The following PIK3CD variants were observed in gnomAD, a reference collection of about 807,000 sequenced individuals.
PIK3CD encodes phosphatidylinositol-4,5-bisphosphate 3-kinase catalytic subunit delta.
In PIK3CD, 20 loss-of-function variants were observed where a neutral mutation model predicts 122.9. The observed-to-expected ratio is 0.16, with a 90% CI of 0.11 to 0.24. The LOEUF (loss-of-function observed/expected upper bound fraction) is 0.24, where lower values mean the gene tolerates loss of function less well. Ranked by LOEUF, PIK3CD falls within the 10% of genes least tolerant of loss-of-function variation. PIK3CD has a pLI of 1.00. For missense variants in PIK3CD, 787 were observed against 1,406.3 expected, an observed-to-expected ratio of 0.56 and a Z score of 7.04; for synonymous variants, 596 against 593.4, an observed-to-expected ratio of 1.00 and a Z score of -0.06.
chr1:9,636,825 C>T, the PIK3CD span, among the ~76,000 whole-genome samples: 1 of 152,212 alleles, frequency 6.6e-6, no homozygotes, highest in African/African-American at 2.4e-5. Context: ...GGATAGAGTT[C>T]ATGAACCTCC....
rs1646775013 is a variant in PIK3CD, at chr1:9,704,986, G to T, written c.-32-5438G>T. ...CAGCTGGGGTCCAGCTGACGGTGAG[G>T]CCTGGGCCCAGCCGGCGCTGCCACC... On this transcript the variant is annotated intron_variant, in intron 2 of 23. Transcript: ENST00000377346. This position sits in a 1 kb window ranked among gnomAD's most constrained non-coding sequence, Gnocchi z 5.0. Among the ~76,000 whole-genome samples, 1 of 152,200 alleles carries T rather than the reference G, an allele frequency of 6.6e-6. No individual in the cohort carries two copies. The highest frequency in any genetic ancestry group is 6.5e-5 in the Admixed American group (1 of 15,278).
At chr1:9,647,491 AT>A (rs1366442624), upstream of PIK3CD, among the ~76,000 whole-genome samples, 1 of 145,748 alleles carries the variant, frequency 6.9e-6, no homozygotes, top group Non-Finnish European at 1.5e-5. Context: ...AATTATTATT[AT>A]TATTATTATT....
chr1:9,677,535 C>T (rs1645583666), intron 1 of PIK3CD, among the ~76,000 whole-genome samples: 1 of 150,560 alleles, frequency 6.6e-6, no homozygotes, highest in Non-Finnish European at 1.5e-5. Context: ...GACCTAGCTA[C>T]TTGAGGAGAT....
intron 1 of PIK3CD, 86 bp downstream of exon 1, chr1:9,651,888 C>T: frequency 6.6e-6 from 1 of 152,216 alleles, no homozygotes; most frequent in Admixed American, 6.5e-5. Context: ...CGCTCGGGGG[C>T]GCGGGGCTGG....
upstream of PIK3CD, among the ~76,000 whole-genome samples, chr1:9,650,806 C>G (rs1163369878): frequency 6.6e-6 from 1 of 152,046 alleles, no homozygotes; most frequent in Non-Finnish European, 1.5e-5. Context: ...CTGAGCAGCC[C>G]TCCGCCTGAT....
At chr1:9,627,262 G>A in the PIK3CD span, among the ~76,000 whole-genome samples, 1 of 152,246 alleles carries the variant, frequency 6.6e-6, no homozygotes, top group African/African-American at 2.4e-5. Flanking sequence ...GCCCGGGGGA[G>A]ACGCCGGCTG....
At chr1:9,721,690 C>CTA (rs974980497) in intron 15 of PIK3CD, 71 bp from the exon 16 acceptor site, 230 of 1,604,288 alleles carry the variant, frequency 1.4e-4, no homozygotes, top group Non-Finnish European at 1.8e-4. Flanking sequence ...CCTGGCCTCG[C>CTA]TAGGTCCTGC....
At chr1:9,690,163 C>T (rs1320084187) in intron 1 of PIK3CD, among the ~76,000 whole-genome samples, 7 of 152,128 alleles carry the variant, frequency 4.6e-5, no homozygotes, top group Non-Finnish European at 1.0e-4. Context: ...TGCGCTCTGT[C>T]CCTCCCGAGC....
chr1:9,713,736 A>G (rs1647147384), intron 3 of PIK3CD, among the ~76,000 whole-genome samples: 1 of 150,780 alleles, frequency 6.6e-6, no homozygotes, highest in African/African-American at 2.4e-5. Context: ...GACTACAGGC[A>G]TGCACCACCA....
Position 9,715,429 on chromosome 1 carries a change from C to T in PIK3CD, c.142-112C>T, listed in dbSNP as rs1647263142. 1 of 854,532 alleles carries T rather than the reference C, an allele frequency of 1.2e-6. No individual in the cohort carries two copies. The highest frequency in any genetic ancestry group is 1.9e-6 in the Non-Finnish European group (1 of 524,438). 52.9% of individuals were successfully genotyped at this position (854,532 alleles called of 1,614,324 possible). ...GCAGATCTTGGGGTCTGCCTCTGCC[C>T]TCTGGGAGGTTTGGACCCCCAGGCT... On this transcript the variant is annotated intron_variant, in intron 3 of 23. Transcript: ENST00000377346. The surrounding 1 kb of genome is among the most constrained non-coding windows in gnomAD (Gnocchi z 4.1).
intron 1 of PIK3CD, chr1:9,687,342 G>C (rs1314170639): frequency 6.6e-6 from 1 of 152,192 alleles, no homozygotes; most frequent in Admixed American, 6.5e-5. Context: ...TACCAGGTTG[G>C]GGGGCTCTGC....
rs1441888320 is a variant in PIK3CD, at chr1:9,720,395, G to T, written c.1470+153G>T. ...TTCCCAGGGGCCATTTTGCCTGCAG[G>T]GATGCTGCGCAGTCTGATGACATTT... On this transcript the variant is annotated intron_variant, in intron 11 of 23. Transcript: ENST00000377346. This position sits in a 1 kb window ranked among gnomAD's most constrained non-coding sequence, Gnocchi z 9.0. The T allele has an allele frequency of 7.3e-7, 1 of 1,369,430 alleles. No individual in the cohort carries two copies. Among genetic ancestry groups the T allele is most frequent in the South Asian group, 1.4e-5 (1 of 69,172 alleles). 84.8% of individuals were successfully genotyped at this position (1,369,430 alleles called of 1,614,324 possible). A position where few individuals can be genotyped will look rare whatever the true frequency, so the allele number is the denominator to read the frequency against.
chr1:9,709,716 C>A (rs891058590), intron 2 of PIK3CD, among the ~76,000 whole-genome samples: 2 of 150,992 alleles, frequency 1.3e-5, no homozygotes, highest in African/African-American at 2.4e-5. Context: ...AAAAAAAAAT[C>A]TATTTCACAG....
In PIK3CD at chr1:9,723,260, C is replaced by A. The variant is rs911632830; in HGVS notation, c.2562C>A (p.Ala854=). ...MAATAAFNKD[A]LLNWLKSKNP... is the part of the protein sequence containing the mutation. ...CCACAGCCGCCTTCAACAAGGATGCCCTGCTCAACTGGCTGAAGTCCAAGA... is the reference window on the plus strand; with the variant it reads ...CCACAGCCGCCTTCAACAAGGATGCACTGCTCAACTGGCTGAAGTCCAAGA... The change falls in exon 20 of 24, where the codon GCC becomes GCA. Residue 854 remains alanine (A), a synonymous_variant. Coordinates refer to ENST00000377346, the MANE Select transcript of PIK3CD (RefSeq NM_005026.5). The surrounding 1 kb of genome is among the most constrained non-coding windows in gnomAD (Gnocchi z 4.9). The A allele has an allele frequency of 1.2e-6, 2 of 1,613,928 alleles. No individual in the cohort carries two copies. Among genetic ancestry groups the A allele is most frequent in the African/African-American group, 2.7e-5 (2 of 74,916 alleles).
intron 1 of PIK3CD, chr1:9,654,165 T>C (rs1644766922): frequency 1.5e-6 from 2 of 1,336,464 alleles, no homozygotes; most frequent in Admixed American, 4.0e-5. Context: ...CAGCCCCTGT[T>C]CAGAAACAGA....
chr1:9,700,882 C>G lies in PIK3CD; in HGVS notation c.-33+9311C>G, dbSNP rs1293910926. Among the ~76,000 whole-genome samples the G allele has an allele frequency of 2.0e-5, 3 of 152,264 alleles. No individual in the cohort carries two copies. The highest frequency in any genetic ancestry group is 3.9e-4 in the East Asian group (2 of 5,182). ...GCTGTCATCCTCACTTCCTCCTGCACCGTCCCCCAAGGGTCCCTCTGATTT... is the reference window on the plus strand; with the variant it reads ...GCTGTCATCCTCACTTCCTCCTGCAGCGTCCCCCAAGGGTCCCTCTGATTT... On this transcript the variant is annotated intron_variant, in intron 2 of 23. Transcript: ENST00000377346. The surrounding 1 kb of genome is among the most constrained non-coding windows in gnomAD (Gnocchi z 5.1).
At chr1:9,726,322 C>G (rs953190071) in intron 23 of PIK3CD, among the ~76,000 whole-genome samples, 1 of 152,038 alleles carries the variant, frequency 6.6e-6, no homozygotes, top group Admixed American at 6.6e-5. Flanking sequence ...TCCTGGCTAA[C>G]ACGGTGAAAC....
chr1:9,726,586 G>A (rs150454428), intron 23 of PIK3CD, among the ~76,000 whole-genome samples: 278 of 152,156 alleles, frequency 1.8e-3, no homozygotes, highest in Non-Finnish European at 3.1e-3. Context: ...GGGATGGGGC[G>A]GTGAGGCTGC....
In PIK3CD at chr1:9,719,476, T is replaced by C. The variant is rs1190477912; in HGVS notation, c.1243-445T>C. Among the ~76,000 whole-genome samples the C allele has an allele frequency of 6.6e-6, 1 of 152,088 alleles. No individual in the cohort carries two copies. Among genetic ancestry groups the C allele is most frequent in the African/African-American group, 2.4e-5 (1 of 41,414 alleles). On this transcript the variant is annotated intron_variant, in intron 9 of 23. Coordinates refer to ENST00000377346, the MANE Select transcript of PIK3CD (RefSeq NM_005026.5). This position sits in a 1 kb window ranked among gnomAD's most constrained non-coding sequence, Gnocchi z 5.5. ...GAGTTTGAGACCAGCCTGGCCAATA[T>C]GGTGAAACCCTGTCTCTACTGAAAA...
Sources: allele counts gnomAD v4.1 joint callset (sites outside exome capture counted in the v4.1 genomes callset), GRCh38; gene constraint gnomAD v4.1.1; non-coding constraint Gnocchi (gnomAD v3.1); transcripts MANE v1.5; gene names NCBI Gene and HGNC (gene_info 2026-07-23, HGNC 2026-07-21).